The following FBF1 variants were observed in gnomAD, a reference collection of about 807,000 sequenced individuals.
FBF1 encodes the protein fas-binding factor 1.
In FBF1, 119 loss-of-function variants were observed where a neutral mutation model predicts 147.2. The observed-to-expected ratio is 0.81, with a 90% CI of 0.70 to 0.94. The LOEUF (loss-of-function observed/expected upper bound fraction) is 0.94, where lower values mean the gene tolerates loss of function less well. Among genes scored for constraint, FBF1 ranks in the 40% least tolerant of loss-of-function variants. The pLI is 0.00. For synonymous variants in FBF1, 601 were observed against 609.0 expected (o/e 0.99, Z 0.19); for missense variants, 1,449 against 1,500.8 (o/e 0.97, Z 0.57).
In FBF1 at chr17:75,912,172, C is replaced by A; in HGVS notation, c.3363+20G>T. The A allele has an allele frequency of 6.3e-7, 1 of 1,588,692 alleles. No individual in the cohort carries two copies. Among genetic ancestry groups the A allele is most frequent in the South Asian group, 1.1e-5 (1 of 87,206 alleles). ...AAGGACTCGTGAACACAAGGATCCC[C>A]AAGGCCAGGAGAGACTCACCTGCTC... On this transcript the variant is annotated intron_variant, in intron 29 of 29. Coordinates refer to ENST00000636174, the MANE Select transcript of FBF1 (RefSeq NM_001319193.2).
intron 7 of FBF1, 38 bp downstream of exon 7, chr17:75,929,959 A>AC: frequency 8.8e-6 from 2 of 226,480 alleles, no homozygotes; most frequent in South Asian, 3.0e-5. Context: ...CACCCCACCC[A>AC]CCCCCAGTTC....
intron 17 of FBF1, among the ~76,000 whole-genome samples, 180 bp downstream of exon 17, chr17:75,921,064 C>A (rs559672824): frequency 1.3e-5 from 2 of 152,216 alleles, no homozygotes; most frequent in Non-Finnish European, 2.9e-5. Flanking sequence ...CCAGGAGCAG[C>A]GAGGCTAGAA....
intron 7 of FBF1, 52 bp downstream of exon 7, chr17:75,929,945 A>AGGGGGGCCCCCCCC: frequency 9.2e-6 from 6 of 650,884 alleles, no homozygotes; most frequent in East Asian, 2.8e-5. Context: ...AAATATCATG[A>AGGGGGGCCCCCCCC]CCCCACCCCA....
At chr17:75,914,720 C>T (rs1173046987) in intron 25 of FBF1, 27 bp downstream of exon 25, 1 of 1,518,798 alleles carries the variant, frequency 6.6e-7, no homozygotes, top group Non-Finnish European at 8.8e-7. Flanking sequence ...CCTGGGCCCT[C>T]CACTGTCCGG....
At chr17:75,915,319 G>C (rs1164924897) in intron 23 of FBF1, among the ~76,000 whole-genome samples, 180 bp from the exon 24 acceptor site, 1 of 152,174 alleles carries the variant, frequency 6.6e-6, no homozygotes, top group Non-Finnish European at 1.5e-5. Context: ...CAGCCCGCAC[G>C]ATTCTGCCCA....
At position 75,909,850 on chromosome 17, in the gene FBF1, G is replaced by C. The variant is rs373470804; in HGVS notation, c.*873C>G. 1 of 694,150 alleles carries C rather than the reference G, an allele frequency of 1.4e-6. No homozygotes were observed. The highest frequency in any genetic ancestry group is 1.5e-5 in the South Asian group (1 of 66,896). 43.0% of individuals were successfully genotyped at this position (694,150 alleles called of 1,614,324 possible). ...ATAAGTATAAACTCCGATGAGCCAT[G>C]GCAAAAGCAGTTTTTTTAAGCTTAG... is the stretch of plus-strand genomic sequence containing the variant. On this transcript the variant is annotated 3_prime_UTR_variant, in exon 30 of 30. Coordinates refer to ENST00000636174, the MANE Select transcript of FBF1 (RefSeq NM_001319193.2).
chr17:75,914,816 G>A lies in FBF1; in HGVS notation c.2745C>T (p.Ala915=), dbSNP rs541709568. 2.5e-6 allele frequency: 4 copies of A among 1,584,844 alleles called. No homozygotes were observed. Among genetic ancestry groups the A allele is most frequent in the South Asian group, 1.1e-5 (1 of 87,460 alleles). The part of the protein sequence containing the change: ...SAQQKLSKER[A]EREAERALQV... ...GCAATGCCCGCTCGGCCTCGCGCTC[G>A]GCCCGCTCCTTACTCAGCTTTTGCT... The change falls in exon 25 of 30, where the codon GCC becomes GCT. Residue 915 remains alanine, a synonymous_variant. Transcript: ENST00000636174.
At chr17:75,915,179 C>T in intron 23 of FBF1, 40 bp from the exon 24 acceptor site, 2 of 1,585,954 alleles carry the variant, frequency 1.3e-6, no homozygotes, top group Non-Finnish European at 8.5e-7. Context: ...TGGTTCCCGC[C>T]CTGAGGATCA....
rs530467580 is a variant in FBF1 at position 75,925,860 on chromosome 17, G to GTCACGGTAAGTATTATT, written c.868+153_868+169dup. Among the ~76,000 whole-genome samples, 3 of 152,216 alleles carry GTCACGGTAAGTATTATT rather than the reference G, an allele frequency of 2.0e-5. No homozygotes were observed. Among genetic ancestry groups the GTCACGGTAAGTATTATT allele is most frequent in the African/African-American group, 7.2e-5 (3 of 41,462 alleles). On this transcript the variant is annotated intron_variant, in intron 12 of 29. Transcript: ENST00000636174. This position sits in a 1 kb window ranked among gnomAD's most constrained non-coding sequence, Gnocchi z 5.0. The stretch of plus-strand genomic sequence containing the variant: ...CATAGACAACTGAGCACGAACAGTG[G>GTCACGGTAAGTATTATT]TCACGGTAAGTATTATTTCACGGTA...
In FBF1 at chr17:75,925,486, G is replaced by A. The variant is rs966029449; in HGVS notation, c.869-40C>T. On this transcript the variant is annotated intron_variant, in intron 12 of 29. Transcript: ENST00000636174. The surrounding 1 kb of genome is among the most constrained non-coding windows in gnomAD (Gnocchi z 5.0). Reference sequence around the variant, plus strand: ...GCCTGTGACCGTGATCTGGAGTAGGGGAACCAAGCTCATTTGCGGCTGCAA... The same window carrying A: ...GCCTGTGACCGTGATCTGGAGTAGGAGAACCAAGCTCATTTGCGGCTGCAA... 5 of 1,554,334 alleles carry A rather than the reference G, an allele frequency of 3.2e-6. No individual in the cohort carries two copies. The highest frequency in any genetic ancestry group is 1.2e-5 in the South Asian group (1 of 85,506).
At chr17:75,915,178 C>T in intron 23 of FBF1, 39 bp from the exon 24 acceptor site, 2 of 1,585,652 alleles carry the variant, frequency 1.3e-6, no homozygotes, top group Non-Finnish European at 1.7e-6. Context: ...GTGGTTCCCG[C>T]CCTGAGGATC....
chr17:75,910,228 C>T lies in FBF1; in HGVS notation c.*495G>A, dbSNP rs991524858. The T allele has an allele frequency of 8.2e-6, 3 of 365,128 alleles. No homozygotes were observed. Among genetic ancestry groups the T allele is most frequent in the Non-Finnish European group, 1.1e-5 (2 of 187,112 alleles). 22.6% of individuals were successfully genotyped at this position (365,128 alleles called of 1,614,324 possible). On this transcript the variant is annotated 3_prime_UTR_variant, in exon 30 of 30. Transcript: ENST00000636174. This position sits in a 1 kb window ranked among gnomAD's most constrained non-coding sequence, Gnocchi z 4.1. ...AGGGAGGATCTAGCTGGTGCCCTCC[C>T]TGTACTGTCAGGAGGCCAGAGGGCC... is the stretch of plus-strand genomic sequence containing the variant.
At chr17:75,917,146 A>G (rs2065493666) in intron 23 of FBF1, among the ~76,000 whole-genome samples, 1 of 152,220 alleles carries the variant, frequency 6.6e-6, no homozygotes, top group African/African-American at 2.4e-5. Context: ...CTTGCCTGGC[A>G]TAAAAAAATT....
intron 4 of FBF1, among the ~76,000 whole-genome samples, chr17:75,933,532 C>A (rs2065606769): frequency 6.6e-6 from 1 of 152,140 alleles, no homozygotes; most frequent in Non-Finnish European, 1.5e-5. Context: ...AATTGCGCCA[C>A]TGCACTCCAG....
chr17:75,921,833 C>A, intron 15 of FBF1, 112 bp downstream of exon 15: 2 of 968,080 alleles, frequency 2.1e-6, no homozygotes, highest in Admixed American at 4.4e-5. Flanking sequence ...CTGTGTGGGA[C>A]ACGGGGACGG....
intron 1 of FBF1, among the ~76,000 whole-genome samples, chr17:75,938,471 G>A (rs1023988815): frequency 1.4e-5 from 2 of 138,530 alleles, no homozygotes; most frequent in Non-Finnish European, 3.0e-5. Flanking sequence ...CAAGAGACTC[G>A]TTTGAACCGG....
chr17:75,938,629 C>T (rs1334028998), intron 1 of FBF1, among the ~76,000 whole-genome samples: 3 of 150,644 alleles, frequency 2.0e-5, no homozygotes, highest in Non-Finnish European at 2.9e-5. Context: ...TTTGGGAGGC[C>T]GAGGCAGGTG....
rs2065575261 is a variant in FBF1, at chr17:75,928,485, C to T, written c.280-292G>A. ...TGCCCAGGGATCCTAGGTGGCTGGT[C>T]TCGGGAAAAAAGCTTTCTTTTTTTT... On this transcript the variant is annotated intron_variant, in intron 7 of 29. Transcript: ENST00000636174. The surrounding 1 kb of genome is among the most constrained non-coding windows in gnomAD (Gnocchi z 4.2). Among the ~76,000 whole-genome samples, 1 of 151,936 alleles carries T rather than the reference C, an allele frequency of 6.6e-6. No homozygotes were observed. Among genetic ancestry groups the T allele is most frequent in the Non-Finnish European group, 1.5e-5 (1 of 67,994 alleles).
rs964185301 is a variant in FBF1 at position 75,922,795 on chromosome 17, C to G, written c.1424+391G>C. 1.3e-5 allele frequency among the ~76,000 whole-genome samples: 2 copies of G among 152,258 alleles called. No homozygotes were observed. The highest frequency in any genetic ancestry group is 2.9e-5 in the Non-Finnish European group (2 of 68,048). Reference sequence around the variant, plus strand: ...CATCTCAGCTCACACACGCCATACTCGCTTCAGTGGAGTCGGCAGAAGCAC... The same window carrying G: ...CATCTCAGCTCACACACGCCATACTGGCTTCAGTGGAGTCGGCAGAAGCAC... On this transcript the variant is annotated intron_variant, in intron 14 of 29. Coordinates refer to ENST00000636174, the MANE Select transcript of FBF1 (RefSeq NM_001319193.2). This position sits in a 1 kb window ranked among gnomAD's most constrained non-coding sequence, Gnocchi z 5.0.
Sources: allele counts gnomAD v4.1 joint callset (sites outside exome capture counted in the v4.1 genomes callset), GRCh38; gene constraint gnomAD v4.1.1; non-coding constraint Gnocchi (gnomAD v3.1); transcripts MANE v1.5; gene names NCBI Gene and HGNC (gene_info 2026-07-23, HGNC 2026-07-21).